Variants in LRMDA observed in about 807,000 individuals in gnomAD.
The protein encoded by LRMDA is leucine rich melanocyte differentiation associated.
In LRMDA, 18 loss-of-function variants were observed where a neutral mutation model predicts 29.8. The ratio of observed to expected loss-of-function variants is 0.60; its 90% confidence interval spans 0.42 to 0.90. The LOEUF (loss-of-function observed/expected upper bound fraction) is 0.90. Ranked by LOEUF, LRMDA falls within the 40% of genes least tolerant of loss-of-function variation. The probability of loss-of-function intolerance (pLI) is 0.00; values close to 1 mark genes in which losing one functional copy is unlikely to be tolerated. For missense variants in LRMDA, 273 were observed against 273.9 expected (o/e 1.00, Z 0.02); for synonymous variants, 125 against 109.4 (o/e 1.14, Z -0.89).
rs373340168 is a variant in LRMDA, at chr10:76,436,790, A to G, written c.601+112305A>G. Among the ~76,000 whole-genome samples, 284 of 152,270 alleles carry G rather than the reference A, an allele frequency of 1.9e-3. 11 individuals are homozygous for G. The South Asian group carries it at 0.058, about 31-fold the overall frequency. On this transcript the variant is annotated intron_variant, in intron 6 of 6. Coordinates refer to ENST00000611255, the MANE Select transcript of LRMDA (RefSeq NM_001305581.2). ...ATTCAGTACGGTTGAGTGACCTTCT[A>G]TAGGTCAGAGCAGGCTGTGTTCTGA...
intron 2 of LRMDA, among the ~76,000 whole-genome samples, chr10:75,663,485 C>T (rs562280270): frequency 6.6e-6 from 1 of 152,178 alleles, no homozygotes; most frequent in African/African-American, 2.4e-5. Context: ...TATAAGGCCT[C>T]GAGTGTGTTC....
At chr10:76,407,856 A>G (rs1258978395) in intron 6 of LRMDA, among the ~76,000 whole-genome samples, 1 of 152,256 alleles carries the variant, frequency 6.6e-6, no homozygotes, top group Non-Finnish European at 1.5e-5. Flanking sequence ...GAATTAAAAT[A>G]TGATCTTTAA....
chr10:75,436,473 T>A (rs1334720989), intron 1 of LRMDA, among the ~76,000 whole-genome samples: 1 of 146,000 alleles, frequency 6.8e-6, no homozygotes, highest in Non-Finnish European at 1.5e-5. Context: ...GCTGCTGAAT[T>A]TTTTTTTTTT....
intron 6 of LRMDA, among the ~76,000 whole-genome samples, chr10:76,408,024 G>C (rs773502613): frequency 2.6e-5 from 4 of 152,092 alleles, no homozygotes; most frequent in Non-Finnish European, 5.9e-5. Context: ...AGCCAAGAAC[G>C]CAAGTTTCCC....
intron 5 of LRMDA, among the ~76,000 whole-genome samples, chr10:76,219,894 G>A: frequency 6.6e-6 from 1 of 152,100 alleles, no homozygotes; most frequent in East Asian, 1.9e-4. Context: ...AAATGTAAAA[G>A]ATCAGAAATT....
intron 3 of LRMDA, among the ~76,000 whole-genome samples, chr10:76,040,978 A>G (rs1848330860): frequency 6.6e-6 from 1 of 152,212 alleles, no homozygotes; most frequent in Non-Finnish European, 1.5e-5. Context: ...TGGAGTTCCC[A>G]TAGCCATTTG....
At chr10:75,561,070 C>T (rs956156741) in intron 2 of LRMDA, among the ~76,000 whole-genome samples, 3 of 151,244 alleles carry the variant, frequency 2.0e-5, no homozygotes, top group Admixed American at 2.0e-4. Flanking sequence ...GTGAGGATTC[C>T]CTCTTTTTCT....
intron 2 of LRMDA, among the ~76,000 whole-genome samples, chr10:75,580,247 C>CA (rs1840569903): frequency 6.6e-6 from 1 of 152,132 alleles, no homozygotes; most frequent in Non-Finnish European, 1.5e-5. Context: ...AATCAGTGTG[C>CA]AAAATCACAA....
chr10:76,064,024 G>C (rs978025554), intron 5 of LRMDA, among the ~76,000 whole-genome samples: 10 of 152,084 alleles, frequency 6.6e-5, no homozygotes, highest in African/African-American at 2.4e-4. Context: ...ACTCATCAAA[G>C]GAATGAACCA....
At chr10:76,440,751 C>T (rs1488801880) in intron 6 of LRMDA, among the ~76,000 whole-genome samples, 1 of 152,134 alleles carries the variant, frequency 6.6e-6, no homozygotes, top group Non-Finnish European at 1.5e-5. Flanking sequence ...AACTTATCAT[C>T]ATTAGTCCCG....
At chr10:75,736,533 A>G (rs1842764939) in intron 2 of LRMDA, among the ~76,000 whole-genome samples, 2 of 152,188 alleles carry the variant, frequency 1.3e-5, no homozygotes, top group Admixed American at 1.3e-4. Context: ...TTATTGGAGA[A>G]TGGGTACAAT....
intron 6 of LRMDA, among the ~76,000 whole-genome samples, chr10:76,532,373 G>A (rs912215447): frequency 6.6e-6 from 1 of 152,230 alleles, no homozygotes; most frequent in African/African-American, 2.4e-5. Context: ...CCTTCTGTTT[G>A]GTAAACAGAG....
intron 2 of LRMDA, among the ~76,000 whole-genome samples, chr10:75,449,660 A>C (rs992683795): frequency 6.6e-6 from 1 of 151,762 alleles, no homozygotes; most frequent in Admixed American, 6.6e-5. Context: ...GCTCTCTCCC[A>C]TTTCTCTAAA....
intron 4 of LRMDA, among the ~76,000 whole-genome samples, chr10:76,057,841 G>A (rs1848641315): frequency 6.6e-6 from 1 of 152,232 alleles, no homozygotes; most frequent in Non-Finnish European, 1.5e-5. Context: ...CGAGGGAGAA[G>A]TATAGACACA....
chr10:75,570,385 A>G (rs1438668647), intron 2 of LRMDA, among the ~76,000 whole-genome samples: 3 of 152,188 alleles, frequency 2.0e-5, no homozygotes, highest in African/African-American at 7.2e-5. Flanking sequence ...CAGGAGAGAA[A>G]CCAGAGGCTT....
chr10:75,759,914 C>T (rs1006882304), intron 2 of LRMDA, among the ~76,000 whole-genome samples: 1 of 152,128 alleles, frequency 6.6e-6, no homozygotes, highest in Non-Finnish European at 1.5e-5. Flanking sequence ...CTTTTTTCTA[C>T]AGGCTATTTT....
At chr10:75,928,934 T>G (rs1181359562) in intron 2 of LRMDA, among the ~76,000 whole-genome samples, 1 of 152,204 alleles carries the variant, frequency 6.6e-6, no homozygotes, top group African/African-American at 2.4e-5. Flanking sequence ...CTTTACATAT[T>G]GGGACAACTG....
chr10:76,165,074 G>T (rs965830876), intron 5 of LRMDA, among the ~76,000 whole-genome samples: 1 of 152,230 alleles, frequency 6.6e-6, no homozygotes, highest in Admixed American at 6.5e-5. Flanking sequence ...CCAGGTTCAA[G>T]CAATTCTCCT....
chr10:75,902,145 A>G (rs1845684668), intron 2 of LRMDA, among the ~76,000 whole-genome samples: 1 of 152,072 alleles, frequency 6.6e-6, no homozygotes, highest in Non-Finnish European at 1.5e-5. Context: ...TTGCCCATCC[A>G]AGGTCTACCC....
Sources: allele counts gnomAD v4.1 joint callset (sites outside exome capture counted in the v4.1 genomes callset), GRCh38; gene constraint gnomAD v4.1.1; transcripts MANE v1.5; gene names NCBI Gene and HGNC (gene_info 2026-07-23, HGNC 2026-07-21).